The following CCSER1 variants were observed in gnomAD, a reference collection of about 807,000 sequenced individuals.
CCSER1 encodes the protein serine-rich coiled-coil domain-containing protein 1.
A neutral mutation model predicts 82.0 loss-of-function variants in CCSER1; 41 were observed. That is an observed-to-expected ratio of 0.50 (90% CI 0.39 to 0.65). The LOEUF (loss-of-function observed/expected upper bound fraction) is 0.65. Ranked by LOEUF, CCSER1 falls within the 30% of genes least tolerant of loss-of-function variation. The probability of loss-of-function intolerance (pLI) is 0.00; values close to 1 mark genes in which losing one functional copy is unlikely to be tolerated. For synonymous variants in CCSER1, 414 were observed against 383.9 expected, an observed-to-expected ratio of 1.08 and a Z score of -0.92; for missense variants, 1,119 against 1,064.2, an observed-to-expected ratio of 1.05 and a Z score of -0.72.
At chr4:90,990,155 A>C (rs17017894) in intron 9 of CCSER1, among the ~76,000 whole-genome samples, 3,919 of 151,950 alleles carry the variant, frequency 0.026, 149 homozygotes, top group African/African-American at 0.085. Flanking sequence ...ACTCTCAACA[A>C]TATAGTTCAA....
intron 10 of CCSER1, among the ~76,000 whole-genome samples, chr4:91,411,491 C>CATATAT (rs770013398): frequency 0.068 from 3,626 of 53,068 alleles, 278 homozygotes; most frequent in Non-Finnish European, 0.086. Context: ...TGCATATATA[C>CATATAT]ATATATATAT....
chr4:91,455,292 G>A (rs1756093213), intron 10 of CCSER1, among the ~76,000 whole-genome samples: 1 of 151,976 alleles, frequency 6.6e-6, no homozygotes, highest in Non-Finnish European at 1.5e-5. Flanking sequence ...GTTTCTCCTT[G>A]CTATGGTCTG....
chr4:91,307,981 A>G (rs1219619280), intron 10 of CCSER1, among the ~76,000 whole-genome samples: 1 of 151,812 alleles, frequency 6.6e-6, no homozygotes, highest in Non-Finnish European at 1.5e-5. Context: ...TGCTTTAGCC[A>G]AGGATATTTT....
chr4:90,296,001 T>C (rs971503844), intron 1 of CCSER1, among the ~76,000 whole-genome samples: 11 of 151,902 alleles, frequency 7.2e-5, no homozygotes, highest in African/African-American at 2.4e-4. Flanking sequence ...GAAGATATAA[T>C]TATAAAAAAA....
intron 8 of CCSER1, among the ~76,000 whole-genome samples, chr4:90,846,369 T>A (rs754660600): frequency 6.6e-6 from 1 of 152,200 alleles, no homozygotes; most frequent in Non-Finnish European, 1.5e-5. Context: ...GTTATTGGAA[T>A]AAAATTATTT....
intron 10 of CCSER1, among the ~76,000 whole-genome samples, chr4:91,223,984 G>T (rs1298352446): frequency 1.3e-5 from 2 of 151,056 alleles, no homozygotes; most frequent in African/African-American, 2.4e-5. Context: ...ATAACTAAAA[G>T]ATTATTTCCA....
At chr4:90,656,821 G>A (rs1228933284) in intron 6 of CCSER1, among the ~76,000 whole-genome samples, 7 of 151,692 alleles carry the variant, frequency 4.6e-5, no homozygotes, top group Admixed American at 3.3e-4. Context: ...TTCTTTTAGT[G>A]GTTATGATAG....
intron 10 of CCSER1, among the ~76,000 whole-genome samples, chr4:91,142,156 A>G (rs1729096077): frequency 6.6e-6 from 1 of 152,102 alleles, no homozygotes; most frequent in Non-Finnish European, 1.5e-5. Flanking sequence ...GGTGGAGATA[A>G]TTGAATCATG....
At chr4:91,303,461 T>C (rs907980000) in intron 10 of CCSER1, among the ~76,000 whole-genome samples, 3 of 151,978 alleles carry the variant, frequency 2.0e-5, no homozygotes, top group African/African-American at 7.2e-5. Flanking sequence ...TTACTAGTAA[T>C]GAATCAATGT....
chr4:90,888,975 G>A (rs1286194337), intron 8 of CCSER1, among the ~76,000 whole-genome samples: 1 of 152,000 alleles, frequency 6.6e-6, no homozygotes, highest in South Asian at 2.1e-4. Context: ...ATTGCATTTA[G>A]TGTCACATAG....
chr4:90,590,640 C>T (rs1579332098), intron 5 of CCSER1, among the ~76,000 whole-genome samples: 1 of 151,418 alleles, frequency 6.6e-6, no homozygotes, highest in African/African-American at 2.4e-5. Context: ...GGCCTCTGTT[C>T]TGTTCCATAA....
intron 10 of CCSER1, among the ~76,000 whole-genome samples, chr4:91,302,691 C>T (rs1027753174): frequency 1.3e-5 from 2 of 151,940 alleles, no homozygotes; most frequent in Admixed American, 6.6e-5. Flanking sequence ...CTCTGACTTC[C>T]AGCCACTTTC....
At chr4:90,430,607 A>G (rs1459943131) in intron 4 of CCSER1, among the ~76,000 whole-genome samples, 1 of 151,924 alleles carries the variant, frequency 6.6e-6, no homozygotes, top group African/African-American at 2.4e-5. Flanking sequence ...TGTTTCAGGA[A>G]TGTCAGTGCT....
At chr4:91,008,953 G>A (rs768118930) in intron 9 of CCSER1, among the ~76,000 whole-genome samples, 6 of 152,230 alleles carry the variant, frequency 3.9e-5, no homozygotes, top group Non-Finnish European at 8.8e-5. Flanking sequence ...GGAACCCAGT[G>A]ACTAGTGTTC....
At chr4:90,344,588 T>A (rs1461739) in intron 3 of CCSER1, among the ~76,000 whole-genome samples, 42,609 of 151,920 alleles carry the variant, frequency 0.28, 6,589 homozygotes, top group African/African-American at 0.41. Context: ...CCTTGTAAAG[T>A]TGAAAATTTA....
chr4:91,392,590 T>C (rs1280236775), intron 10 of CCSER1, among the ~76,000 whole-genome samples: 1 of 152,104 alleles, frequency 6.6e-6, no homozygotes, highest in African/African-American at 2.4e-5. Flanking sequence ...ATAATAATTG[T>C]ATACTGGTTT....
intron 10 of CCSER1, among the ~76,000 whole-genome samples, chr4:91,355,981 G>C (rs144693270): frequency 1.6e-4 from 25 of 152,342 alleles, no homozygotes; most frequent in South Asian, 4.1e-4. Flanking sequence ...TATCTAGTTA[G>C]TCTAACATTC....
intron 5 of CCSER1, among the ~76,000 whole-genome samples, chr4:90,528,878 A>G (rs1774129270): frequency 6.6e-6 from 1 of 152,150 alleles, no homozygotes; most frequent in Admixed American, 6.5e-5. Flanking sequence ...TCCATTGTTG[A>G]TTGAATCATG....
chr4:90,684,667 A>G (rs945910208), intron 6 of CCSER1, among the ~76,000 whole-genome samples: 45 of 152,282 alleles, frequency 3.0e-4, no homozygotes, highest in African/African-American at 1.1e-3. Context: ...GGTTGTTGAT[A>G]TGGTTTGGCT....
Sources: allele counts gnomAD v4.1 joint callset (sites outside exome capture counted in the v4.1 genomes callset), GRCh38; gene constraint gnomAD v4.1.1; transcripts MANE v1.5; gene names NCBI Gene and HGNC (gene_info 2026-07-23, HGNC 2026-07-21).